ABCA1: variants seen among roughly 807,000 people sequenced by gnomAD.
ABCA1 encodes the protein phospholipid-transporting ATPase ABCA1.
Under a neutral mutation model 262.5 loss-of-function variants are expected in ABCA1, and 133 were observed. The ratio of observed to expected loss-of-function variants is 0.51; its 90% CI spans 0.44 to 0.59. The LOEUF (loss-of-function observed/expected upper bound fraction) is 0.59. Among genes scored for constraint, ABCA1 ranks in the 20% least tolerant of loss-of-function variants. The probability of loss-of-function intolerance (pLI) is 0.00; values close to 1 mark genes in which losing one functional copy is unlikely to be tolerated. For missense variants in ABCA1, 2,452 were observed against 2,777.5 expected (o/e 0.88, Z 2.63); for synonymous variants, 1,022 against 1,043.5 (o/e 0.98, Z 0.40).
chr9:104,856,594 G>C (rs1651028645), intron 7 of ABCA1, among the ~76,000 whole-genome samples: 1 of 152,158 alleles, frequency 6.6e-6, no homozygotes. Context: ...AGATGATGAG[G>C]GCTAAACAGT....
intron 5 of ABCA1, among the ~76,000 whole-genome samples, chr9:104,872,986 C>T (rs906802544): frequency 2.6e-5 from 4 of 152,184 alleles, no homozygotes; most frequent in African/African-American, 9.6e-5. Context: ...TGCAGTGCAG[C>T]GTTGCTCCCC....
intron 2 of ABCA1, among the ~76,000 whole-genome samples, chr9:104,899,238 C>T (rs1000036041): frequency 1.3e-5 from 2 of 152,000 alleles, no homozygotes; most frequent in Non-Finnish European, 2.9e-5. Context: ...CCACTGCTGC[C>T]GGCCCAGGAG....
At chr9:104,924,226 C>T (rs913241005) in intron 1 of ABCA1, among the ~76,000 whole-genome samples, 1 of 152,148 alleles carries the variant, frequency 6.6e-6, no homozygotes, top group African/African-American at 2.4e-5. Context: ...AACAAGTGTT[C>T]AGAATGATCT....
intron 7 of ABCA1, among the ~76,000 whole-genome samples, chr9:104,849,618 T>C (rs2119066892): frequency 6.6e-6 from 1 of 152,342 alleles, no homozygotes; most frequent in African/African-American, 2.4e-5. Context: ...TGGATTGACA[T>C]CACAGGGTTA....
intron 5 of ABCA1, among the ~76,000 whole-genome samples, chr9:104,867,519 G>T (rs1223135285): frequency 6.6e-6 from 1 of 152,196 alleles, no homozygotes; most frequent in South Asian, 2.1e-4. Flanking sequence ...GTGATCTAAG[G>T]TATGCACATG....
At chr9:104,879,093 A>C (rs1262304931) in intron 5 of ABCA1, among the ~76,000 whole-genome samples, 1 of 152,072 alleles carries the variant, frequency 6.6e-6, no homozygotes, top group African/African-American at 2.4e-5. Flanking sequence ...AAAGAAAGAA[A>C]AGAAAAGAAA....
At chr9:104,792,933 A>G (rs762024575) in intron 41 of ABCA1, 27 bp from the exon 42 acceptor site, 20 of 1,613,580 alleles carry the variant, frequency 1.2e-5, no homozygotes, top group Middle Eastern at 3.3e-4. Context: ...AGAAAAATGA[A>G]CCTTTCAAAC....
At chr9:104,855,769 C>T in intron 7 of ABCA1, 1 of 1,558,660 alleles carries the variant, frequency 6.4e-7, no homozygotes. Flanking sequence ...CAAACCCAGA[C>T]CCAGCTGACC....
chr9:104,825,188 ACTCAGGAAACAGAAC>A (rs1328220627), intron 17 of ABCA1, among the ~76,000 whole-genome samples: 1 of 152,214 alleles, frequency 6.6e-6, no homozygotes, highest in Non-Finnish European at 1.5e-5. Context: ...AACAACCTGT[ACTCAGGAAACAGAAC>A]CTCTCCTAGT....
At chr9:104,855,763 C>T in intron 7 of ABCA1, 2 of 1,555,332 alleles carry the variant, frequency 1.3e-6, no homozygotes, top group African/African-American at 1.4e-5. Context: ...AATATTCAAA[C>T]CCAGACCCAG....
rs1173644428 is a variant in ABCA1, at chr9:104,804,726, A to G, written c.4465-6T>C. The stretch of plus-strand genomic sequence containing the variant: ...TCTGCAGTGTTTTGTTTTCTCTGTC[A>G]TCACATGAAAACCAAGCATACGGGT... On this transcript the variant is annotated splice_region_variant and splice_polypyrimidine_tract_variant and intron_variant, in intron 31 of 49. Transcript: ENST00000374736. 2 of 1,611,474 alleles carry G rather than the reference A, an allele frequency of 1.2e-6. No homozygotes were observed. Among genetic ancestry groups the G allele is most frequent in the African/African-American group, 1.3e-5 (1 of 75,000 alleles).
In ABCA1 at chr9:104,788,571, C is replaced by T; in HGVS notation, c.5928-4G>A. On this transcript the variant is annotated splice_polypyrimidine_tract_variant and splice_region_variant and intron_variant, in intron 44 of 49. Coordinates refer to ENST00000374736, the MANE Select transcript of ABCA1 (RefSeq NM_005502.4). ...TTCATGGATGTTTGATAAGATACTG[C>T]AAAGGACAAGAAAACTACTTAGATT... 1 of 1,614,096 alleles carries T rather than the reference C, an allele frequency of 6.2e-7. No individual in the cohort carries two copies. Among genetic ancestry groups the T allele is most frequent in the Non-Finnish European group, 8.5e-7 (1 of 1,179,992 alleles).
chr9:104,804,829 C>A (rs769866575), intron 31 of ABCA1, 109 bp from the exon 32 acceptor site: 25 of 934,382 alleles, frequency 2.7e-5, no homozygotes, highest in Non-Finnish European at 4.0e-5. Context: ...GGAAACCTGA[C>A]TACAGGTCCC....
chr9:104,782,864 AAG>A lies in ABCA1; in HGVS notation c.*1449_*1450del, dbSNP rs879164489. ...TGTTGCAATTAAAAAAAAAAAAAAA[AAG>A]GCTGCCCAGTATTGTTACAGTGGGC... On this transcript the variant is annotated 3_prime_UTR_variant, in exon 50 of 50. Coordinates refer to ENST00000374736, the MANE Select transcript of ABCA1 (RefSeq NM_005502.4). 25 of 152,082 alleles carry A rather than the reference AAG, an allele frequency of 1.6e-4. 1 individual carries two copies. In the South Asian group the frequency reaches 1.7e-3, roughly 10 times the overall value. The allele number at this position is 152,082 out of a possible 1,614,324, so 9.4% of individuals were successfully genotyped here. A position where few individuals can be genotyped will look rare whatever the true frequency, so the allele number is the denominator to read the frequency against.
chr9:104,910,008 A>G (rs1841402147), intron 1 of ABCA1, among the ~76,000 whole-genome samples: 1 of 152,234 alleles, frequency 6.6e-6, no homozygotes, highest in African/African-American at 2.4e-5. Context: ...TTGTGCAGTA[A>G]CAAATGGGCT....
At chr9:104,789,370 T>A (rs141566813) in intron 44 of ABCA1, among the ~76,000 whole-genome samples, 1 of 152,222 alleles carries the variant, frequency 6.6e-6, no homozygotes, top group Admixed American at 6.5e-5. Flanking sequence ...AGGAAAGCAG[T>A]TGTGCAGCGC....
At chr9:104,886,074 C>T (rs969107415) in intron 3 of ABCA1, among the ~76,000 whole-genome samples, 5 of 152,108 alleles carry the variant, frequency 3.3e-5, no homozygotes, top group Admixed American at 6.5e-5. Context: ...GCAGGCAAAG[C>T]GTTTTTGCAG....
chr9:104,831,333 T>G (rs992564728), intron 13 of ABCA1, among the ~76,000 whole-genome samples: 6 of 151,650 alleles, frequency 4.0e-5, no homozygotes, highest in African/African-American at 1.5e-4. Context: ...TTCTCCTGCC[T>G]CAGCCTCCCG....
At chr9:104,894,656 A>G (rs1840048020) in intron 2 of ABCA1, among the ~76,000 whole-genome samples, 1 of 152,238 alleles carries the variant, frequency 6.6e-6, no homozygotes, top group African/African-American at 2.4e-5. Context: ...CTCTGACTGA[A>G]GGGCTCCTTC....
Sources: gnomAD v4.1 joint callset for allele counts (sites outside exome capture counted in the v4.1 genomes callset) on GRCh38, gnomAD v4.1.1 for gene constraint, MANE v1.5 for transcripts, NCBI Gene and HGNC (gene_info 2026-07-23, HGNC 2026-07-21) for gene names.